The following BEND6 variants were observed in gnomAD, a reference collection of about 807,000 sequenced individuals.
The protein encoded by BEND6 is BEN domain-containing protein 6.
A neutral mutation model predicts 31.8 loss-of-function variants in BEND6; 24 were observed. The observed-to-expected ratio is 0.75, with a 90% CI of 0.55 to 1.06. BEND6 has a LOEUF of 1.06. Among genes scored for constraint, BEND6 ranks in the 50% least tolerant of loss-of-function variants. The probability of loss-of-function intolerance (pLI) is 0.00; values close to 1 mark genes in which losing one functional copy is unlikely to be tolerated. For missense variants in BEND6, 294 were observed against 327.4 expected, an observed-to-expected ratio of 0.90 and a Z score of 0.79; for synonymous variants, 109 against 114.6, an observed-to-expected ratio of 0.95 and a Z score of 0.31.
chr6:57,025,798 T>C (rs1827882245), intron 6 of BEND6, among the ~76,000 whole-genome samples: 1 of 152,152 alleles, frequency 6.6e-6, no homozygotes. Context: ...TCGTTTTTAT[T>C]TTTTAACTTC....
intron 3 of BEND6, among the ~76,000 whole-genome samples, chr6:56,995,255 C>G (rs191949046): frequency 6.6e-6 from 1 of 151,918 alleles, no homozygotes; most frequent in Non-Finnish European, 1.5e-5. Context: ...CACTTTCAGA[C>G]CATTTGCTTC....
chr6:56,961,033 A>T (rs1825268855), intron 1 of BEND6, among the ~76,000 whole-genome samples: 1 of 152,190 alleles, frequency 6.6e-6, no homozygotes, highest in Non-Finnish European at 1.5e-5. Context: ...GTTTCTAGAG[A>T]CCTGAAATTA....
rs547333852 is a variant in BEND6, at chr6:57,012,580, T to C, written c.299-2553T>C. Among the ~76,000 whole-genome samples the C allele has an allele frequency of 1.1e-4, 17 of 152,328 alleles. No individual in the cohort carries two copies. The South Asian group carries it at 2.9e-3, about 26-fold the overall frequency. On this transcript the variant is annotated intron_variant, in intron 3 of 6. Coordinates refer to ENST00000370746, the MANE Select transcript of BEND6 (RefSeq NM_152731.3). ...ATGTAAGGTTTTGCCTTTAATTGTA[T>C]GTAAATTAGGCCTTACAAACTCATA...
intron 6 of BEND6, among the ~76,000 whole-genome samples, chr6:57,019,223 A>T (rs1195100952): frequency 6.6e-6 from 1 of 152,230 alleles, no homozygotes; most frequent in African/African-American, 2.4e-5. Context: ...TAGACTTTCT[A>T]GTCAAGCCTT....
At chr6:56,985,314 CTTATACAGGATGAAGT>C (rs1166310105) in intron 2 of BEND6, among the ~76,000 whole-genome samples, 2 of 152,120 alleles carry the variant, frequency 1.3e-5, no homozygotes, top group Non-Finnish European at 2.9e-5. Context: ...ACAATAATGG[CTTATACAGGATGAAGT>C]TTATTTCCCT....
chr6:56,987,987 G>T (rs754468880), intron 2 of BEND6, among the ~76,000 whole-genome samples: 1 of 151,002 alleles, frequency 6.6e-6, no homozygotes, highest in Non-Finnish European at 1.5e-5. Context: ...AAACTAAAAG[G>T]TAAATGTGAA....
intron 3 of BEND6, among the ~76,000 whole-genome samples, chr6:57,000,215 C>T (rs2127872594): frequency 6.6e-6 from 1 of 152,226 alleles, no homozygotes; most frequent in African/African-American, 2.4e-5. Flanking sequence ...AAGAAGTAGA[C>T]ATAAGAGACT....
chr6:56,976,143 T>A (rs1051355445), intron 1 of BEND6: 5 of 242,144 alleles, frequency 2.1e-5, no homozygotes, highest in Non-Finnish European at 4.1e-5. Context: ...TTTTTTATTA[T>A]CAGTGCATGC....
At chr6:56,992,631 T>C (rs1562547561) in intron 3 of BEND6, 76 bp downstream of exon 3, 4 of 1,443,402 alleles carry the variant, frequency 2.8e-6, no homozygotes, top group Non-Finnish European at 3.7e-6. Context: ...AAATTAGCTG[T>C]CAAGAATGAA....
chr6:57,027,181 G>A lies in BEND6; in HGVS notation c.*1109G>A, dbSNP rs1044670. The A allele has an allele frequency of 0.11, 16,492 of 152,236 alleles. 1,142 individuals carry two copies. Among genetic ancestry groups the A allele is most frequent in the Middle Eastern group, 0.19 (56 of 294 alleles). The allele number at this position is 152,236 out of a possible 1,614,324, so 9.4% of individuals were successfully genotyped here. A position where few individuals can be genotyped will look rare whatever the true frequency, so the allele number is the denominator to read the frequency against. On this transcript the variant is annotated 3_prime_UTR_variant, in exon 7 of 7. Coordinates refer to ENST00000370746, the MANE Select transcript of BEND6 (RefSeq NM_152731.3). ...AGTCATGTTTAAACTTGGAAAAGAG[G>A]ATGCTACAGTAGTTTCAAAGTTCAG...
rs543925284 is a variant in BEND6, at chr6:56,979,039, A to G, written c.-100-2672A>G. Among the ~76,000 whole-genome samples the G allele has an allele frequency of 4.6e-5, 7 of 152,340 alleles. No homozygotes were observed. In the East Asian group the frequency reaches 1.4e-3, roughly 29 times the overall value. On this transcript the variant is annotated intron_variant, in intron 1 of 6. Coordinates refer to ENST00000370746, the MANE Select transcript of BEND6 (RefSeq NM_152731.3). ...AAGTTAAAACAAAATGTGAGACTTC[A>G]TCCCCACTCAGATTTGCAATGGATA...
intron 3 of BEND6, among the ~76,000 whole-genome samples, chr6:56,994,211 G>C (rs919296624): frequency 9.9e-5 from 15 of 151,754 alleles, no homozygotes; most frequent in Non-Finnish European, 1.9e-4. Flanking sequence ...TGTAATTCCA[G>C]CACTTTGGGA....
At chr6:56,971,223 A>C (rs1825677422) in intron 1 of BEND6, among the ~76,000 whole-genome samples, 1 of 152,182 alleles carries the variant, frequency 6.6e-6, no homozygotes, top group Non-Finnish European at 1.5e-5. Flanking sequence ...ATGGAATCAT[A>C]TAATATTGGT....
chr6:57,006,256 A>G (rs1453120727), intron 3 of BEND6, among the ~76,000 whole-genome samples: 1 of 152,224 alleles, frequency 6.6e-6, no homozygotes, highest in Non-Finnish European at 1.5e-5. Context: ...TTGCTGTTAC[A>G]AATGTTTGCT....
Position 56,955,235 on chromosome 6 carries a change from C to G in BEND6, c.-326C>G, listed in dbSNP as rs995977453. ...CGCGGGGCCGCCCGCCAGTCCGCGCCGTCCGCGGGTGCATTGGCCGGGTGC... is the reference window on the plus strand; with the variant it reads ...CGCGGGGCCGCCCGCCAGTCCGCGCGGTCCGCGGGTGCATTGGCCGGGTGC... On this transcript the variant is annotated 5_prime_UTR_variant, in exon 1 of 7. Transcript: ENST00000370746. The G allele has an allele frequency of 6.6e-6, 1 of 151,990 alleles. No individual in the cohort carries two copies. The highest frequency in any genetic ancestry group is 1.5e-5 in the Non-Finnish European group (1 of 68,004). 9.4% of individuals were successfully genotyped at this position (151,990 alleles called of 1,614,324 possible).
chr6:57,008,459 GCAGA>G, intron 3 of BEND6: 1 of 507,034 alleles, frequency 2.0e-6, no homozygotes. Context: ...GGAGTGCTAT[GCAGA>G]CCTGTCTGTG....
chr6:56,972,885 C>G (rs1825738490), intron 1 of BEND6, among the ~76,000 whole-genome samples: 1 of 152,198 alleles, frequency 6.6e-6, no homozygotes, highest in African/African-American at 2.4e-5. Flanking sequence ...CAGGTGGCAG[C>G]CTTCTTGCTG....
intron 3 of BEND6, chr6:57,013,731 A>G (rs1827429060): frequency 6.6e-6 from 1 of 152,370 alleles, no homozygotes; most frequent in Non-Finnish European, 1.5e-5. Context: ...AGGCCAGATC[A>G]TTCTTTGAGC....
At chr6:56,991,508 T>C (rs1826499117) in intron 2 of BEND6, among the ~76,000 whole-genome samples, 1 of 152,054 alleles carries the variant, frequency 6.6e-6, no homozygotes, top group South Asian at 2.1e-4. Context: ...ACAACAGGCA[T>C]GTGCCACCAC....
Sources: gnomAD v4.1 joint callset for allele counts (sites outside exome capture counted in the v4.1 genomes callset) on GRCh38, gnomAD v4.1.1 for gene constraint, MANE v1.5 for transcripts, NCBI Gene and HGNC (gene_info 2026-07-23, HGNC 2026-07-21) for gene names.